The following BICRAL variants were observed in gnomAD, a reference collection of about 807,000 sequenced individuals.
BICRAL encodes the protein BICRA like chromatin remodeling complex associated protein.
BICRAL carries 8 observed loss-of-function variants against 91.8 expected under a neutral mutation model. The observed-to-expected ratio is 0.09, with a 90% CI of 0.05 to 0.16. The LOEUF (loss-of-function observed/expected upper bound fraction) is 0.16. Among genes scored for constraint, BICRAL ranks in the 10% least tolerant of loss-of-function variants. The probability of loss-of-function intolerance (pLI) is 1.00; values close to 1 mark genes in which losing one functional copy is unlikely to be tolerated. For synonymous variants in BICRAL, 445 were observed against 491.1 expected (o/e 0.91, Z 1.24); for missense variants, 1,038 against 1,310.9 (o/e 0.79, Z 3.21).
Position 42,823,006 on chromosome 6 carries a change from G to T in BICRAL, c.159+3G>T. 2 of 1,577,418 alleles carry T rather than the reference G, an allele frequency of 1.3e-6. No individual in the cohort carries two copies. The highest frequency in any genetic ancestry group is 1.7e-6 in the Non-Finnish European group (2 of 1,146,728). ...ATTCAATTTTCGCCAACTCTAGTGT[G>T]AGTATTGGAAACTAAATGCAATGAT... is the stretch of plus-strand genomic sequence containing the variant. On this transcript the variant is annotated splice_donor_region_variant and intron_variant, in intron 5 of 12. Coordinates refer to ENST00000314073, the MANE Select transcript of BICRAL (RefSeq NM_001393499.1).
intron 1 of BICRAL, among the ~76,000 whole-genome samples, chr6:42,756,200 C>A (rs1217472794): frequency 6.6e-6 from 1 of 152,136 alleles, no homozygotes; most frequent in African/African-American, 2.4e-5. Context: ...GACTTCTGCC[C>A]CTGCCATTGT....
intron 1 of BICRAL, among the ~76,000 whole-genome samples, chr6:42,756,089 A>G (rs1438545154): frequency 1.3e-5 from 2 of 152,146 alleles, no homozygotes; most frequent in Non-Finnish European, 2.9e-5. Flanking sequence ...CACCCAAGTG[A>G]TGTTCTAACT....
At chr6:42,845,467 A>G (rs1178375839) in intron 6 of BICRAL, among the ~76,000 whole-genome samples, 3 of 151,628 alleles carry the variant, frequency 2.0e-5, no homozygotes, top group South Asian at 2.1e-4. Context: ...GATTGCAGCT[A>G]TCAGAAACTC....
In BICRAL at chr6:42,788,224, T is replaced by G. The variant is rs903368066; in HGVS notation, c.-102+6123T>G. On this transcript the variant is annotated intron_variant, in intron 1 of 12. Coordinates refer to ENST00000314073, the MANE Select transcript of BICRAL (RefSeq NM_001393499.1). ...AAGACTACCAAGGGAGCAGCATTCTTTTTTTTTTTTTTTTTTTTGGAGACA... is the reference window on the plus strand; with the variant it reads ...AAGACTACCAAGGGAGCAGCATTCTGTTTTTTTTTTTTTTTTTTGGAGACA... 2.8e-3 allele frequency among the ~76,000 whole-genome samples: 332 copies of G among 118,038 alleles called. 2 individuals carry two copies. Among genetic ancestry groups the G allele is most frequent in the Middle Eastern group, 8.1e-3 (2 of 248 alleles). The allele number at this position is 118,038 out of a possible 152,430, so 77.4% of individuals were successfully genotyped here. A position where few individuals can be genotyped will look rare whatever the true frequency, so the allele number is the denominator to read the frequency against.
intron 1 of BICRAL, among the ~76,000 whole-genome samples, chr6:42,769,807 A>G (rs544643316): frequency 6.6e-6 from 1 of 152,352 alleles, no homozygotes; most frequent in South Asian, 2.1e-4. Flanking sequence ...TCACCACCAC[A>G]GTAAGAAATA....
intron 1 of BICRAL, among the ~76,000 whole-genome samples, chr6:42,809,428 G>A (rs1375418371): frequency 7.0e-6 from 1 of 143,106 alleles, no homozygotes; most frequent in Non-Finnish European, 1.5e-5. Context: ...CCAACTATGA[G>A]AATTTTTTTT....
intron 1 of BICRAL, among the ~76,000 whole-genome samples, chr6:42,768,592 T>G (rs1455026409): frequency 1.3e-5 from 2 of 152,154 alleles, no homozygotes; most frequent in Non-Finnish European, 2.9e-5. Flanking sequence ...AAGGAAATAT[T>G]CCAACTCCAA....
intron 1 of BICRAL, among the ~76,000 whole-genome samples, chr6:42,790,679 G>T (rs929743148): frequency 1.3e-5 from 2 of 151,972 alleles, no homozygotes; most frequent in African/African-American, 4.8e-5. Flanking sequence ...ATTCAAAATA[G>T]CTGTCTACAT....
chr6:42,841,075 TAAAAAAAA>T (rs758007416), intron 6 of BICRAL, among the ~76,000 whole-genome samples: 24 of 85,308 alleles, frequency 2.8e-4, no homozygotes, highest in African/African-American at 9.6e-4. Flanking sequence ...ACTCAATCTT[TAAAAAAAA>T]AAAAAAAAAA....
At chr6:42,828,243 T>C (rs188628311) in intron 5 of BICRAL, among the ~76,000 whole-genome samples, 141 of 151,602 alleles carry the variant, frequency 9.3e-4, no homozygotes, top group African/African-American at 3.3e-3. Context: ...CTACTAAAAA[T>C]ACAAAAAATT....
Position 42,788,209 on chromosome 6 carries a change from A to G in BICRAL, c.-102+6108A>G, listed in dbSNP as rs565543985. Among the ~76,000 whole-genome samples the G allele has an allele frequency of 2.2e-3, 323 of 149,452 alleles. 1 individual carries two copies. Among genetic ancestry groups the G allele is most frequent in the African/African-American group, 6.7e-3 (273 of 40,464 alleles). On this transcript the variant is annotated intron_variant, in intron 1 of 12. Transcript: ENST00000314073. Reference sequence around the variant, plus strand: ...TCCAGAAGAGAGACCAAGACTACCAAGGGAGCAGCATTCTTTTTTTTTTTT... The same window carrying G: ...TCCAGAAGAGAGACCAAGACTACCAGGGGAGCAGCATTCTTTTTTTTTTTT...
intron 2 of BICRAL, among the ~76,000 whole-genome samples, chr6:42,812,779 C>G (rs912433755): frequency 6.6e-6 from 1 of 152,148 alleles, no homozygotes; most frequent in African/African-American, 2.4e-5. Flanking sequence ...CACCTGTAAT[C>G]CCAGCACTTT....
chr6:42,814,519 A>ATATATTTT (rs1237976324), intron 2 of BICRAL, among the ~76,000 whole-genome samples: 2 of 80,210 alleles, frequency 2.5e-5, no homozygotes, highest in Non-Finnish European at 2.1e-5. Context: ...ATATATATAT[A>ATATATTTT]TTTTTTTTTT....
chr6:42,857,410 GACTTAC>G (rs1033582520), intron 10 of BICRAL, among the ~76,000 whole-genome samples, 174 bp downstream of exon 10: 4 of 151,782 alleles, frequency 2.6e-5, no homozygotes, highest in African/African-American at 9.7e-5. Context: ...TTAAGGTTGT[GACTTAC>G]ACTTCTCAGT....
intron 5 of BICRAL, among the ~76,000 whole-genome samples, chr6:42,823,528 C>G (rs1257540576): frequency 2.0e-5 from 3 of 152,174 alleles, no homozygotes; most frequent in African/African-American, 7.2e-5. Flanking sequence ...TAGCTCACAC[C>G]TGTAATCTCA....
chr6:42,858,554 ACACCTGTAAT>A (rs1370682650), intron 10 of BICRAL, among the ~76,000 whole-genome samples: 1 of 147,702 alleles, frequency 6.8e-6, no homozygotes, highest in East Asian at 2.0e-4. Context: ...GCAGTGTCTC[ACACCTGTAAT>A]CCCAGCACTT....
intron 1 of BICRAL, among the ~76,000 whole-genome samples, chr6:42,755,963 C>T (rs1396194201): frequency 2.6e-5 from 4 of 152,110 alleles, no homozygotes; most frequent in Admixed American, 6.6e-5. Flanking sequence ...CGTGAGCCAC[C>T]GCGCCCGGCC....
intron 1 of BICRAL, among the ~76,000 whole-genome samples, chr6:42,784,707 C>G (rs1763050752): frequency 6.6e-6 from 1 of 152,218 alleles, no homozygotes. Context: ...ATTCTTCCCC[C>G]TACACCTATG....
chr6:42,857,614 A>AAAAAAAAAAAAATATAT, intron 10 of BICRAL, among the ~76,000 whole-genome samples: 7 of 96,240 alleles, frequency 7.3e-5, no homozygotes, highest in African/African-American at 3.9e-4. Flanking sequence ...AAAAAAAAAA[A>AAAAAAAAAAAAATATAT]ATATATATAT....
Sources: allele counts gnomAD v4.1 joint callset (sites outside exome capture counted in the v4.1 genomes callset), GRCh38; gene constraint gnomAD v4.1.1; transcripts MANE v1.5; gene names NCBI Gene and HGNC (gene_info 2026-07-23, HGNC 2026-07-21).